Variants in AQP1 observed in about 807,000 individuals in gnomAD.
The protein encoded by AQP1 is aquaporin-1.
In AQP1, 11 loss-of-function variants were observed where a neutral mutation model predicts 19.7. That is an observed-to-expected ratio of 0.56 (90% confidence interval 0.35 to 0.92). The LOEUF (loss-of-function observed/expected upper bound fraction) is 0.92, where lower values mean the gene tolerates loss of function less well. Ranked by LOEUF, AQP1 falls within the 40% of genes least tolerant of loss-of-function variation. The probability of loss-of-function intolerance (pLI) is 0.01; values close to 1 mark genes in which losing one functional copy is unlikely to be tolerated. For synonymous variants in AQP1, 159 were observed against 166.7 expected (o/e 0.95, Z 0.36); for missense variants, 320 against 369.7 (o/e 0.87, Z 1.10).
intron 1 of AQP1, 128 bp from the exon 2 acceptor site, chr7:30,921,938 G>A: frequency 6.4e-7 from 1 of 1,558,282 alleles, no homozygotes; most frequent in Non-Finnish European, 8.7e-7. Flanking sequence ...CCTGTGATGG[G>A]CTCTGAAGGC....
rs140979736 is a variant in AQP1, at chr7:30,912,126, G to T, written c.217G>T (p.Ala73Ser). 6.2e-7 allele frequency: 1 copy of T among 1,613,094 alleles called. No homozygotes were observed. The highest frequency in any genetic ancestry group is 1.7e-5 in the Admixed American group (1 of 60,022). ...LAQSVGHISGAHLNPAVTLGL... is the reference protein window; with the variant it reads ...LAQSVGHISGSHLNPAVTLGL... ...GCAGAGTGTGGGCCACATCAGCGGCGCCCACCTCAACCCGGCTGTCACACT... is the reference window on the plus strand; with the variant it reads ...GCAGAGTGTGGGCCACATCAGCGGCTCCCACCTCAACCCGGCTGTCACACT... Residue 73 changes from alanine to serine, a missense_variant, in exon 1 of 4, where the codon GCC becomes TCC. Ala to Ser is a moderately conservative substitution (Grantham distance 99). Coordinates refer to ENST00000311813, the MANE Select transcript of AQP1 (RefSeq NM_198098.4). This position sits in a 1 kb window ranked among gnomAD's most constrained non-coding sequence, Gnocchi z 4.3.
chr7:30,918,487 T>G (rs563097717), intron 1 of AQP1, among the ~76,000 whole-genome samples: 27 of 151,786 alleles, frequency 1.8e-4, no homozygotes, highest in African/African-American at 6.3e-4. Context: ...CATGGAGGAG[T>G]GACACTCTGG....
At chr7:30,921,163 C>A (rs1006048085) in intron 1 of AQP1, 9 of 577,390 alleles carry the variant, frequency 1.6e-5, no homozygotes, top group Non-Finnish European at 2.0e-5. Flanking sequence ...TGCACTTAGC[C>A]CCTGGGACGG....
In AQP1 at chr7:30,912,993, C is replaced by CGT. The variant is rs1016278358; in HGVS notation, c.384+712_384+713dup. Among the ~76,000 whole-genome samples, 5 of 151,072 alleles carry CGT rather than the reference C, an allele frequency of 3.3e-5. No homozygotes were observed. The highest frequency in any genetic ancestry group is 7.4e-5 in the Non-Finnish European group (5 of 67,676). On this transcript the variant is annotated intron_variant, in intron 1 of 3. Transcript: ENST00000311813. This position sits in a 1 kb window ranked among gnomAD's most constrained non-coding sequence, Gnocchi z 4.3. ...TGGCGTGTGTGTGCATGTGCGTGTG[C>CGT]GTGTGTGTGTGTGAAGGTGTGTATG... is the stretch of plus-strand genomic sequence containing the variant.
intron 3 of AQP1, 105 bp downstream of exon 3, chr7:30,922,749 C>A: frequency 5.0e-6 from 6 of 1,193,022 alleles, no homozygotes; most frequent in Non-Finnish European, 7.5e-6. Flanking sequence ...TGGGAGACAG[C>A]CAGAGGACAG....
intron 1 of AQP1, chr7:30,921,564 C>T: frequency 1.3e-6 from 2 of 1,544,478 alleles, no homozygotes; most frequent in Non-Finnish European, 1.8e-6. Flanking sequence ...TCACCGAAGG[C>T]CTCCTCAGCC....
At chr7:30,916,474 G>A (rs1791357465) in intron 1 of AQP1, among the ~76,000 whole-genome samples, 2 of 152,374 alleles carry the variant, frequency 1.3e-5, no homozygotes, top group African/African-American at 4.8e-5. Context: ...GTGAAGGCAG[G>A]AAAATGCTGT....
At position 30,912,392 on chromosome 7, in the gene AQP1, C is replaced by T. The variant is rs1377246190; in HGVS notation, c.384+99C>T. ...TTGTGCAGATGGGGACACTGAGGAA[C>T]GGAGAGGACAAGAGGTTGCTGGAGG... On this transcript the variant is annotated intron_variant, in intron 1 of 3. Coordinates refer to ENST00000311813, the MANE Select transcript of AQP1 (RefSeq NM_198098.4). This position sits in a 1 kb window ranked among gnomAD's most constrained non-coding sequence, Gnocchi z 4.3. 53 of 1,519,892 alleles carry T rather than the reference C, an allele frequency of 3.5e-5. No individual in the cohort carries two copies. The highest frequency in any genetic ancestry group is 1.8e-4 in the Middle Eastern group (1 of 5,530). 94.2% of individuals were successfully genotyped at this position (1,519,892 alleles called of 1,614,324 possible). A position where few individuals can be genotyped will look rare whatever the true frequency, so the allele number is the denominator to read the frequency against.
rs1791176510 is a variant in AQP1 at position 30,911,988 on chromosome 7, A to G, written c.79A>G (p.Ile27Val). The G allele has an allele frequency of 6.2e-7, 1 of 1,613,528 alleles. No homozygotes were observed. The highest frequency in any genetic ancestry group is 8.5e-7 in the Non-Finnish European group (1 of 1,180,042). ...EFLATTLFVF[I>V]SIGSALGFKY... ...CCTGGCCACGACCCTCTTTGTCTTC[A>G]TCAGCATCGGTTCTGCCCTGGGCTT... Residue 27 changes from isoleucine (I) to valine (V), a missense_variant, in exon 1 of 4, where the codon ATC becomes GTC. Physicochemically the swap from Ile to Val is conservative, Grantham distance 29 (BLOSUM62 3). Coordinates refer to ENST00000311813, the MANE Select transcript of AQP1 (RefSeq NM_198098.4).
rs1221622592 is a variant in AQP1, at chr7:30,922,181, C to T, written c.500C>T (p.Ser167Leu). 4 of 1,612,550 alleles carry T rather than the reference C, an allele frequency of 2.5e-6. No individual in the cohort carries two copies. Among genetic ancestry groups the T allele is most frequent in the African/African-American group, 1.3e-5 (1 of 74,936 alleles). Residue 167 changes from serine to leucine, a missense_variant, in exon 2 of 4, where the codon TCA becomes TTA. Physicochemically the swap from Ser to Leu is moderately radical, Grantham distance 145. Transcript: ENST00000311813. ...TDRRRRDLGG[S>L]APLAIGLSVA... is the part of the protein sequence containing the mutation. ...CGGAGGCGCCGTGACCTTGGTGGCT[C>T]AGCCCCCCTTGCCATCGGCCTCTCT...
rs188560397 is a variant in AQP1 at position 30,913,115 on chromosome 7, C to T, written c.384+822C>T. 1.2e-3 allele frequency among the ~76,000 whole-genome samples: 175 copies of T among 152,154 alleles called. 1 individual carries two copies. The highest frequency in any genetic ancestry group is 2.1e-3 in the South Asian group (10 of 4,812). On this transcript the variant is annotated intron_variant, in intron 1 of 3. Transcript: ENST00000311813. Reference sequence around the variant, plus strand: ...GGTGTGTGGGGGTGAGTTTGCAACACGTGCCCATGGCTCCTGGCTTGAATG... The same window carrying T: ...GGTGTGTGGGGGTGAGTTTGCAACATGTGCCCATGGCTCCTGGCTTGAATG...
At chr7:30,918,886 A>T (rs953145153) in intron 1 of AQP1, among the ~76,000 whole-genome samples, 1 of 152,116 alleles carries the variant, frequency 6.6e-6, no homozygotes, top group African/African-American at 2.4e-5. Flanking sequence ...TTGACCTGTG[A>T]GTGTAGGGTG....
chr7:30,914,627 G>A (rs1036698935), intron 1 of AQP1, among the ~76,000 whole-genome samples: 5 of 152,208 alleles, frequency 3.3e-5, no homozygotes, highest in Non-Finnish European at 7.3e-5. Context: ...GGGTGGCCTG[G>A]ATGCCTCAAG....
At position 30,923,447 on chromosome 7, in the gene AQP1, T is replaced by C; in HGVS notation, c.631-3T>C. ...CCTCTGAACACACCTGCTCTGTTCC[T>C]AGATTTTCTGGGTGGGGCCATTCAT... On this transcript the variant is annotated splice_polypyrimidine_tract_variant and splice_region_variant and intron_variant, in intron 3 of 3. Coordinates refer to ENST00000311813, the MANE Select transcript of AQP1 (RefSeq NM_198098.4). This position sits in a 1 kb window ranked among gnomAD's most constrained non-coding sequence, Gnocchi z 4.8. 6.2e-7 allele frequency: 1 copy of C among 1,613,890 alleles called. No individual in the cohort carries two copies. Among genetic ancestry groups the C allele is most frequent in the Non-Finnish European group, 8.5e-7 (1 of 1,179,984 alleles).
intron 1 of AQP1, among the ~76,000 whole-genome samples, chr7:30,918,097 C>T (rs1791404745): frequency 6.6e-6 from 1 of 151,756 alleles, no homozygotes; most frequent in Admixed American, 6.6e-5. Flanking sequence ...CGGGTTTATG[C>T]CATTCTCCCA....
rs778827593 is a variant in AQP1, at chr7:30,912,237, G to T, written c.328G>T (p.Ala110Ser). ...GTGCGTGGGGGCCATCGTCGCCACC[G>T]CCATCCTCTCAGGCATCACCTCCTC... The part of the protein sequence containing the change: ...AQCVGAIVAT[A>S]ILSGITSSLT... The change falls in exon 1 of 4, where the codon GCC becomes TCC. Residue 110 changes from alanine to serine, a missense_variant. Physicochemically the swap from Ala to Ser is moderately conservative, Grantham distance 99. Coordinates refer to ENST00000311813, the MANE Select transcript of AQP1 (RefSeq NM_198098.4). This position sits in a 1 kb window ranked among gnomAD's most constrained non-coding sequence, Gnocchi z 4.3. The T allele has an allele frequency of 1.9e-6, 3 of 1,608,402 alleles. No homozygotes were observed. The highest frequency in any genetic ancestry group is 1.7e-6 in the Non-Finnish European group (2 of 1,179,980).
Position 30,923,324 on chromosome 7 carries a change from C to T in AQP1, c.631-126C>T, listed in dbSNP as rs996896521. The T allele has an allele frequency of 4.6e-6, 7 of 1,536,536 alleles. No individual in the cohort carries two copies. The highest frequency in any genetic ancestry group is 5.3e-6 in the Non-Finnish European group (6 of 1,140,866). On this transcript the variant is annotated intron_variant, in intron 3 of 3. Transcript: ENST00000311813. The surrounding 1 kb of genome is among the most constrained non-coding windows in gnomAD (Gnocchi z 4.8). ...AATCATGATGTTAGGATTTGGCTCTCCTACCTGCCTCCATCCCAGGTGGGA... is the reference window on the plus strand; with the variant it reads ...AATCATGATGTTAGGATTTGGCTCTTCTACCTGCCTCCATCCCAGGTGGGA...
chr7:30,918,272 G>A (rs1269754846), intron 1 of AQP1, among the ~76,000 whole-genome samples: 2 of 152,298 alleles, frequency 1.3e-5, no homozygotes, highest in African/African-American at 2.4e-5. Context: ...GATTACAGGC[G>A]TGAGCCACCG....
At chr7:30,913,545 C>A (rs759591483) in intron 1 of AQP1, among the ~76,000 whole-genome samples, 1 of 152,096 alleles carries the variant, frequency 6.6e-6, no homozygotes, top group Admixed American at 6.5e-5. Context: ...TCAGAGATGG[C>A]AGATAGTGAT....
Sources: gnomAD v4.1 joint callset for allele counts (sites outside exome capture counted in the v4.1 genomes callset) on GRCh38, gnomAD v4.1.1 for gene constraint, Gnocchi (gnomAD v3.1) non-coding constraint, MANE v1.5 for transcripts, NCBI Gene and HGNC (gene_info 2026-07-23, HGNC 2026-07-21) for gene names.